UMAD1: variants seen among roughly 807,000 people sequenced by gnomAD.
The protein encoded by UMAD1 is UBAP1-MVB12-associated (UMA) domain containing 1, also known as UBAP1-MVB12-associated (UMA)-domain containing protein 1.
A neutral mutation model predicts 6.1 loss-of-function variants in UMAD1; 8 were observed. The ratio of observed to expected loss-of-function variants is 1.30; its 90% CI spans 0.76 to 2.35. The LOEUF is 2.35. Ranked by LOEUF, UMAD1 falls within the 30% of genes most tolerant of loss-of-function variation. The probability of loss-of-function intolerance (pLI) is 0.00; values close to 1 mark genes in which losing one functional copy is unlikely to be tolerated. For synonymous variants in UMAD1, 56 were observed against 31.4 expected (o/e 1.78, Z -2.61); for missense variants, 130 against 78.4 (o/e 1.66, Z -2.49).
At chr7:7,818,970 C>T (rs1394166844) in intron 3 of UMAD1, among the ~76,000 whole-genome samples, 8 of 152,170 alleles carry the variant, frequency 5.3e-5, no homozygotes, top group Non-Finnish European at 1.5e-5. Context: ...CTGCCTCAGC[C>T]TCCCAAGTAG....
intron 2 of UMAD1, among the ~76,000 whole-genome samples, chr7:7,688,873 G>A (rs1409233838): frequency 6.6e-6 from 1 of 152,120 alleles, no homozygotes; most frequent in Non-Finnish European, 1.5e-5. Flanking sequence ...TATTTGGTTA[G>A]AAAACTTGGT....
At chr7:7,844,970 A>G (rs566986570) in intron 3 of UMAD1, among the ~76,000 whole-genome samples, 13 of 152,284 alleles carry the variant, frequency 8.5e-5, no homozygotes, top group Admixed American at 2.6e-4. Context: ...TCCCCACCCA[A>G]GGTAAATCTT....
intron 2 of UMAD1, among the ~76,000 whole-genome samples, chr7:7,785,060 C>T (rs1453107726): frequency 6.6e-6 from 1 of 152,124 alleles, no homozygotes; most frequent in Admixed American, 6.5e-5. Flanking sequence ...CCTGTATGGT[C>T]ATTTCCAAGT....
chr7:7,726,899 A>G (rs11972014), intron 2 of UMAD1, among the ~76,000 whole-genome samples: 20,137 of 152,168 alleles, frequency 0.13, 1,547 homozygotes, highest in African/African-American at 0.22. Context: ...TTCACAACAG[A>G]GATAAGGAAG....
At chr7:7,833,256 A>G (rs1038496245) in intron 3 of UMAD1, among the ~76,000 whole-genome samples, 27 of 152,192 alleles carry the variant, frequency 1.8e-4, no homozygotes, top group Admixed American at 1.1e-3. Context: ...ACTACAGGAG[A>G]ACAGATACAC....
At chr7:7,849,317 G>A (rs2115322736) in intron 3 of UMAD1, among the ~76,000 whole-genome samples, 1 of 152,260 alleles carries the variant, frequency 6.6e-6, no homozygotes, top group South Asian at 2.1e-4. Flanking sequence ...AGTGACTGAG[G>A]TACAGAAACA....
chr7:7,805,586 C>G (rs1451308157), intron 3 of UMAD1, among the ~76,000 whole-genome samples: 2 of 152,140 alleles, frequency 1.3e-5, no homozygotes, highest in African/African-American at 2.4e-5. Flanking sequence ...CTTAAAAGCT[C>G]TATCTACTGT....
intron 2 of UMAD1, among the ~76,000 whole-genome samples, chr7:7,765,026 A>G (rs1781958532): frequency 6.6e-6 from 1 of 151,416 alleles, no homozygotes; most frequent in African/African-American, 2.4e-5. Context: ...TAAAGGACAT[A>G]GAAAATCAGG....
chr7:7,690,084 T>G (rs970155432), intron 2 of UMAD1, among the ~76,000 whole-genome samples: 4 of 152,188 alleles, frequency 2.6e-5, no homozygotes, highest in African/African-American at 9.6e-5. Context: ...CCCACCCATT[T>G]GATTTTCAGG....
At chr7:7,687,799 A>G (rs970113109) in intron 2 of UMAD1, among the ~76,000 whole-genome samples, 3 of 152,352 alleles carry the variant, frequency 2.0e-5, no homozygotes, top group Admixed American at 2.0e-4. Context: ...GGTTTACACT[A>G]TAGTGTTACT....
Position 7,842,617 on chromosome 7 carries a change from T to A in UMAD1, c.157-34664T>A, listed in dbSNP as rs1279987856. Among the ~76,000 whole-genome samples, 325 of 145,854 alleles carry A rather than the reference T, an allele frequency of 2.2e-3. 1 individual carries two copies. The highest frequency in any genetic ancestry group is 6.8e-3 in the African/African-American group (268 of 39,564). ...CAAGGCAAATTAAGTTACCTTTTTT[T>A]AAAAAAAAAAAAAACTAATATGGGT... On this transcript the variant is annotated intron_variant, in intron 3 of 3. Coordinates refer to ENST00000682710, the MANE Select transcript of UMAD1 (RefSeq NM_001302348.2).
rs151155872 is a variant in UMAD1 at position 7,829,614 on chromosome 7, T to C, written c.156+27871T>C. 5.9e-5 allele frequency among the ~76,000 whole-genome samples: 9 copies of C among 152,370 alleles called. No homozygotes were observed. The East Asian group carries it at 1.7e-3, about 29-fold the overall frequency. ...AATGAATCTGGCTGAAATAGCACTTTATATTTTTATTTTAAAGAAACATAC... is the reference window on the plus strand; with the variant it reads ...AATGAATCTGGCTGAAATAGCACTTCATATTTTTATTTTAAAGAAACATAC... On this transcript the variant is annotated intron_variant, in intron 3 of 3. Transcript: ENST00000682710.
intron 3 of UMAD1, among the ~76,000 whole-genome samples, chr7:7,807,626 G>A (rs1782943910): frequency 1.3e-5 from 2 of 152,026 alleles, no homozygotes; most frequent in Non-Finnish European, 2.9e-5. Context: ...AAAAGATCTG[G>A]TTTGGGCATC....
chr7:7,679,921 T>C (rs567645413), intron 2 of UMAD1, among the ~76,000 whole-genome samples: 3 of 151,994 alleles, frequency 2.0e-5, no homozygotes, highest in Non-Finnish European at 2.9e-5. Context: ...TTGAGTTCCT[T>C]ATATATACTG....
chr7:7,651,546 G>A (rs527986968), intron 1 of UMAD1, among the ~76,000 whole-genome samples: 2 of 152,162 alleles, frequency 1.3e-5, no homozygotes, highest in African/African-American at 4.8e-5. Context: ...CTTTGGGTAC[G>A]TATTTTTCCA....
chr7:7,766,130 G>A (rs1162286809), intron 2 of UMAD1, among the ~76,000 whole-genome samples: 13 of 152,146 alleles, frequency 8.5e-5, no homozygotes, highest in Admixed American at 8.5e-4. Flanking sequence ...AACAGTGATT[G>A]TGCTAACACA....
intron 2 of UMAD1, among the ~76,000 whole-genome samples, chr7:7,688,515 A>C (rs868518550): frequency 6.6e-6 from 1 of 152,058 alleles, no homozygotes; most frequent in Non-Finnish European, 1.5e-5. Context: ...CAGAGTGCCC[A>C]GCTTGTTTCA....
chr7:7,685,657 A>G lies in UMAD1; in HGVS notation c.82+12204A>G, dbSNP rs555621213. Among the ~76,000 whole-genome samples the G allele has an allele frequency of 6.6e-5, 10 of 152,156 alleles. No individual in the cohort carries two copies. The South Asian group carries it at 2.1e-3, about 32-fold the overall frequency. On this transcript the variant is annotated intron_variant, in intron 2 of 3. Coordinates refer to ENST00000682710, the MANE Select transcript of UMAD1 (RefSeq NM_001302348.2). ...TTCTAAAAAATTTAAGTGTTGGCCC[A>G]CTTGGTTTCTCAAGTTGCCTGCCTG...
intron 1 of UMAD1, among the ~76,000 whole-genome samples, chr7:7,663,356 A>ATGCT (rs58836480): frequency 0.65 from 98,869 of 151,602 alleles, 32,481 homozygotes; most frequent in East Asian, 0.86. Context: ...ATTTATGTTA[A>ATGCT]TCAATTTAAT....
Sources: allele counts gnomAD v4.1 joint callset (sites outside exome capture counted in the v4.1 genomes callset), GRCh38; gene constraint gnomAD v4.1.1; transcripts MANE v1.5; gene names NCBI Gene and HGNC (gene_info 2026-07-23, HGNC 2026-07-21).